Variants in TRAF3 observed in about 807,000 individuals in gnomAD.
TRAF3 encodes TNF receptor associated factor 3.
Under a neutral mutation model 62.3 loss-of-function variants are expected in TRAF3, and 13 were observed. That is an observed-to-expected ratio of 0.21 (90% CI 0.14 to 0.33). The LOEUF is 0.33. Ranked by LOEUF, TRAF3 falls within the 10% of genes least tolerant of loss-of-function variation. The pLI, the probability that TRAF3 is intolerant of heterozygous loss-of-function variation, is 1.00. For synonymous variants in TRAF3, 269 were observed against 283.4 expected (o/e 0.95, Z 0.51); for missense variants, 440 against 741.8 (o/e 0.59, Z 4.73).
chr14:102,861,260 A>ATCAGTGCTGGC (rs1228308178), intron 2 of TRAF3, among the ~76,000 whole-genome samples: 1 of 152,218 alleles, frequency 6.6e-6, no homozygotes, highest in African/African-American at 2.4e-5. Context: ...GCCATCAGCA[A>ATCAGTGCTGGC]AGAGTGCAAG....
rs1166430980 is a variant in TRAF3, at chr14:102,824,433, C to T, written c.-156-5901C>T. On this transcript the variant is annotated intron_variant, in intron 1 of 11. Coordinates refer to ENST00000392745, the MANE Select transcript of TRAF3 (RefSeq NM_145725.3). ...GTGTGTATTTTATATTATTTTTCTT[C>T]TCTCTGCTTCCTCTTGGGGACATCC... Among the ~76,000 whole-genome samples the T allele has an allele frequency of 5.3e-5, 8 of 152,218 alleles. No homozygotes were observed. In the East Asian group the frequency reaches 1.3e-3, roughly 26 times the overall value.
chr14:102,837,656 T>C (rs981395966), intron 2 of TRAF3, among the ~76,000 whole-genome samples: 2 of 151,748 alleles, frequency 1.3e-5, no homozygotes, highest in Non-Finnish European at 2.9e-5. Flanking sequence ...AAAAAAAAGA[T>C]ACTTGGTTTT....
At chr14:102,881,712 G>A (rs759542942) in intron 6 of TRAF3, among the ~76,000 whole-genome samples, 3 of 152,136 alleles carry the variant, frequency 2.0e-5, no homozygotes, top group Admixed American at 6.5e-5. Context: ...ACAAACCCAC[G>A]CATCTTGCAC....
chr14:102,839,210 C>CCTT (rs1310697452), intron 2 of TRAF3, among the ~76,000 whole-genome samples: 1,481 of 89,788 alleles, frequency 0.016, 130 homozygotes, highest in East Asian at 0.071. Flanking sequence ...GTTGATTTGC[C>CCTT]TTTTTTTTTT....
intron 2 of TRAF3, among the ~76,000 whole-genome samples, chr14:102,863,881 C>G (rs936949841): frequency 6.6e-6 from 1 of 152,128 alleles, no homozygotes; most frequent in Non-Finnish European, 1.5e-5. Context: ...GTAGACAGGT[C>G]GAAACAAACA....
At chr14:102,812,708 A>G (rs921846915) in intron 1 of TRAF3, among the ~76,000 whole-genome samples, 1 of 149,822 alleles carries the variant, frequency 6.7e-6, no homozygotes, top group Non-Finnish European at 1.5e-5. Context: ...TCACGAGGTC[A>G]GGAGATCGAG....
intron 2 of TRAF3, among the ~76,000 whole-genome samples, chr14:102,842,108 G>C (rs1338230904): frequency 6.6e-6 from 1 of 151,672 alleles, no homozygotes; most frequent in African/African-American, 2.4e-5. Context: ...AGCCGGGCGT[G>C]GTGCAGGCGC....
At chr14:102,855,883 G>A (rs1323669457) in intron 2 of TRAF3, among the ~76,000 whole-genome samples, 1 of 151,902 alleles carries the variant, frequency 6.6e-6, no homozygotes, top group Non-Finnish European at 1.5e-5. Context: ...CTTGAGCCCA[G>A]GAGTTTGAGA....
chr14:102,869,291 C>G (rs1473218804), intron 2 of TRAF3, among the ~76,000 whole-genome samples: 2 of 152,128 alleles, frequency 1.3e-5, no homozygotes, highest in Non-Finnish European at 2.9e-5. Flanking sequence ...ACAGGGTTTA[C>G]CCAGGAAGGA....
intron 2 of TRAF3, among the ~76,000 whole-genome samples, chr14:102,863,715 T>A (rs1273145525): frequency 6.6e-6 from 1 of 152,240 alleles, no homozygotes; most frequent in Non-Finnish European, 1.5e-5. Flanking sequence ...TTTGGTTAAA[T>A]CTATTGTTTG....
chr14:102,853,204 AT>A (rs1000265422), intron 2 of TRAF3, among the ~76,000 whole-genome samples: 1 of 150,144 alleles, frequency 6.7e-6, no homozygotes, highest in Non-Finnish European at 1.5e-5. Context: ...CCTGGCCTTT[AT>A]TTTTTTTTAG....
chr14:102,891,203 A>T, intron 8 of TRAF3, 122 bp from the exon 9 acceptor site: 1 of 924,538 alleles, frequency 1.1e-6, no homozygotes, highest in Non-Finnish European at 1.7e-6. Context: ...TTCCCTGTTC[A>T]CTTGACGCAA....
intron 1 of TRAF3, among the ~76,000 whole-genome samples, chr14:102,825,427 C>T (rs572952008): frequency 1.6e-4 from 25 of 152,340 alleles, no homozygotes; most frequent in African/African-American, 4.6e-4. Context: ...GACCTTCTGC[C>T]ACCCCTTGGA....
rs377142394 is a variant in TRAF3 at position 102,875,703 on chromosome 14, A to T, written c.377A>T (p.Glu126Val). 1.2e-6 allele frequency: 2 copies of T among 1,614,106 alleles called. No individual in the cohort carries two copies. Among genetic ancestry groups the T allele is most frequent in the African/African-American group, 2.7e-5 (2 of 75,052 alleles). ...YCRNESRGCA[E>V]QLMLGHLLVH... is the part of the protein sequence containing the mutation. ...CGGAATGAAAGCAGAGGTTGTGCAG[A>T]GCAGTTAATGCTGGGACATCTGCTG... Residue 126 changes from glutamate to valine, a missense_variant, in exon 5 of 12, where the codon GAG becomes GTG. Physicochemically the swap from Glu to Val is moderately radical, Grantham distance 121. Transcript: ENST00000392745.
intron 1 of TRAF3, among the ~76,000 whole-genome samples, chr14:102,805,793 G>A (rs1353958333): frequency 6.6e-6 from 1 of 152,226 alleles, no homozygotes; most frequent in Admixed American, 6.5e-5. Flanking sequence ...CAAAGGAAAT[G>A]TCAGCATGTT....
At chr14:102,804,138 CAT>C (rs1189121611) in intron 1 of TRAF3, among the ~76,000 whole-genome samples, 4 of 151,686 alleles carry the variant, frequency 2.6e-5, no homozygotes, top group African/African-American at 9.7e-5. Context: ...TGCAGTGAGC[CAT>C]GATTGGGCCA....
At chr14:102,816,832 G>A (rs1396035861) in intron 1 of TRAF3, among the ~76,000 whole-genome samples, 1 of 152,206 alleles carries the variant, frequency 6.6e-6, no homozygotes, top group Non-Finnish European at 1.5e-5. Context: ...CCAGGAAAGA[G>A]CTCATAAGGA....
chr14:102,905,866 G>A lies in TRAF3; in HGVS notation c.*82G>A, dbSNP rs1434343365. The A allele has an allele frequency of 3.7e-5, 48 of 1,300,832 alleles. No individual in the cohort carries two copies. In the South Asian group the frequency reaches 4.7e-4, roughly 13 times the overall value. 80.6% of individuals were successfully genotyped at this position (1,300,832 alleles called of 1,614,324 possible). On this transcript the variant is annotated 3_prime_UTR_variant, in exon 12 of 12. Transcript: ENST00000392745. Reference sequence around the variant, plus strand: ...GGTCTGTCTTCACTGAGGTCCTCGCGCTCAGAAAAGGACCTTGTGAGACGG... The same window carrying A: ...GGTCTGTCTTCACTGAGGTCCTCGCACTCAGAAAAGGACCTTGTGAGACGG...
rs931672823 is a variant in TRAF3, at chr14:102,839,238, T to G, written c.-18+8766T>G. 2.2e-5 allele frequency among the ~76,000 whole-genome samples: 3 copies of G among 138,302 alleles called. No individual in the cohort carries two copies. In the Admixed American group the frequency reaches 2.2e-4, roughly 10 times the overall value. 90.7% of individuals were successfully genotyped at this position (138,302 alleles called of 152,430 possible). On this transcript the variant is annotated intron_variant, in intron 2 of 11. Coordinates refer to ENST00000392745, the MANE Select transcript of TRAF3 (RefSeq NM_145725.3). ...TTTTTTTTTTTTTTTTTTTTTTTTT[T>G]GAAACAGTCTCACTCTGTCACCCAG...
Sources: gnomAD v4.1 joint callset for allele counts (sites outside exome capture counted in the v4.1 genomes callset) on GRCh38, gnomAD v4.1.1 for gene constraint, MANE v1.5 for transcripts, NCBI Gene and HGNC (gene_info 2026-07-23, HGNC 2026-07-21) for gene names.